CSMD2: variants seen among roughly 807,000 people sequenced by gnomAD.
CSMD2 encodes the protein CUB and sushi domain-containing protein 2.
Under a neutral mutation model 398.5 loss-of-function variants are expected in CSMD2, and 130 were observed. The ratio of observed to expected loss-of-function variants is 0.33; its 90% confidence interval spans 0.28 to 0.38. The LOEUF is 0.38. Among genes scored for constraint, CSMD2 ranks in the 10% least tolerant of loss-of-function variants. The probability of loss-of-function intolerance (pLI) is 1.00; values close to 1 mark genes in which losing one functional copy is unlikely to be tolerated. For missense variants in CSMD2, 3,829 were observed against 4,764.9 expected (o/e 0.80, Z 5.78); for synonymous variants, 1,828 against 1,908.5 (o/e 0.96, Z 1.10).
intron 3 of CSMD2, among the ~76,000 whole-genome samples, chr1:33,960,589 C>G (rs1255287713): frequency 6.6e-6 from 1 of 152,180 alleles, no homozygotes; most frequent in Admixed American, 6.5e-5. Context: ...CAAACAATTA[C>G]AGAGAGATAA....
Position 33,624,044 on chromosome 1 carries a change from G to A in CSMD2, c.5625+475C>T, listed in dbSNP as rs1370731465. Among the ~76,000 whole-genome samples the A allele has an allele frequency of 6.6e-6, 1 of 152,182 alleles. No individual in the cohort carries two copies. The highest frequency in any genetic ancestry group is 1.5e-5 in the Non-Finnish European group (1 of 68,030). ...GCGTGGTTCCCTAGGTGTGTGCCTG[G>A]GGGTTCTCTGTGCTTCAGCTGTGCT... On this transcript the variant is annotated intron_variant, in intron 35 of 70. Coordinates refer to ENST00000373381, the MANE Select transcript of CSMD2 (RefSeq NM_001281956.2). The surrounding 1 kb of genome is among the most constrained non-coding windows in gnomAD (Gnocchi z 4.7).
chr1:34,092,809 A>G (rs947910484), intron 1 of CSMD2, among the ~76,000 whole-genome samples: 3 of 152,214 alleles, frequency 2.0e-5, no homozygotes, highest in Non-Finnish European at 4.4e-5. Context: ...ATCAAACTGC[A>G]AGGCAGCAGC....
At chr1:34,081,946 G>C (rs1029640315) in intron 2 of CSMD2, among the ~76,000 whole-genome samples, 1 of 151,772 alleles carries the variant, frequency 6.6e-6, no homozygotes, top group African/African-American at 2.4e-5. Flanking sequence ...ACCCCGTCTA[G>C]GAAGTGAGGA....
chr1:34,158,077 G>A (rs957979758), intron 1 of CSMD2, among the ~76,000 whole-genome samples: 2 of 152,138 alleles, frequency 1.3e-5, no homozygotes, highest in African/African-American at 4.8e-5. Context: ...CCAGGAGATT[G>A]AGCTCTCTAG....
intron 47 of CSMD2, 70 bp from the exon 48 acceptor site, chr1:33,580,969 G>A: frequency 6.6e-7 from 1 of 1,515,472 alleles, no homozygotes; most frequent in East Asian, 2.3e-5. Flanking sequence ...GAAGACCTCA[G>A]GGCTCAGAGG....
Position 33,772,617 on chromosome 1 carries a change from T to C in CSMD2, c.1798A>G (p.Thr600Ala). Residue 600 changes from threonine (T) to alanine (A), a missense_variant, in exon 13 of 71, where the codon ACA (threonine) becomes GCA (alanine). Thr to Ala is a moderately conservative substitution (Grantham distance 58). This residue lies in a region of CSMD2 where 2,001 missense variants were observed against 2,567.1 expected (regional missense o/e 0.78). Coordinates refer to ENST00000373381, the MANE Select transcript of CSMD2 (RefSeq NM_001281956.2). ...GACCATTGGTTATTCTTTTGGCATG[T>C]GATTGCCTTCTGTCCCACCAGCTCA... ...AFELVGQKAI[T>A]CQKNNQWSAK... 1 of 1,614,110 alleles carries C rather than the reference T, an allele frequency of 6.2e-7. No individual in the cohort carries two copies. The highest frequency in any genetic ancestry group is 8.5e-7 in the Non-Finnish European group (1 of 1,179,996).
At chr1:34,007,214 A>G (rs1052582031) in intron 3 of CSMD2, among the ~76,000 whole-genome samples, 14 of 152,080 alleles carry the variant, frequency 9.2e-5, no homozygotes, top group Non-Finnish European at 7.4e-5. Flanking sequence ...GCCTGACCTC[A>G]GCCTCATGGA....
At position 33,949,409 on chromosome 1, in the gene CSMD2, CCCTTAGA is replaced by C. The variant is rs1182119188; in HGVS notation, c.518-13462_518-13456del. On this transcript the variant is annotated intron_variant, in intron 3 of 70. Transcript: ENST00000373381. ...CCTGGCTCTGCCAGGCAGGCGGCAT[CCCTTAGA>C]CCTACACTGCTCTTGTTGAGCCAGG... Among the ~76,000 whole-genome samples the C allele has an allele frequency of 2.0e-5, 3 of 152,158 alleles. No individual in the cohort carries two copies. In the East Asian group the frequency reaches 5.8e-4, roughly 29 times the overall value.
chr1:33,926,860 C>G (rs186515737), intron 4 of CSMD2, among the ~76,000 whole-genome samples: 65 of 152,318 alleles, frequency 4.3e-4, no homozygotes, highest in Admixed American at 4.2e-3. Flanking sequence ...AACTCTCCCT[C>G]AATCCTCTTT....
intron 27 of CSMD2, among the ~76,000 whole-genome samples, chr1:33,656,933 CAG>C (rs1314277754): frequency 6.6e-6 from 1 of 152,154 alleles, no homozygotes; most frequent in African/African-American, 2.4e-5. Context: ...CCAGCATTGA[CAG>C]GGGAGATAAA....
intron 56 of CSMD2, among the ~76,000 whole-genome samples, chr1:33,547,180 G>A (rs1415333647): frequency 6.6e-6 from 1 of 151,942 alleles, no homozygotes; most frequent in African/African-American, 2.4e-5. Context: ...CATTTCTCTG[G>A]CTTCTGGTAT....
chr1:33,812,860 C>G (rs1195199166), intron 9 of CSMD2: 2 of 152,190 alleles, frequency 1.3e-5, no homozygotes, highest in Non-Finnish European at 2.9e-5. Context: ...GGATTTCTCT[C>G]AAGGCTAAGG....
At chr1:33,628,774 G>A (rs977401086) in intron 32 of CSMD2, among the ~76,000 whole-genome samples, 51 of 151,702 alleles carry the variant, frequency 3.4e-4, no homozygotes, top group African/African-American at 1.2e-3. Context: ...AGTGAGAAGA[G>A]ACCTCCACCA....
At chr1:34,112,695 T>C (rs1661211702) in intron 1 of CSMD2, among the ~76,000 whole-genome samples, 1 of 152,146 alleles carries the variant, frequency 6.6e-6, no homozygotes, top group East Asian at 1.9e-4. Context: ...AGATAATCTA[T>C]AAAGAGTAAA....
chr1:33,724,672 G>T lies in CSMD2; in HGVS notation c.2728C>A (p.Pro910Thr). 6.2e-7 allele frequency: 1 copy of T among 1,614,154 alleles called. No homozygotes were observed. Among genetic ancestry groups the T allele is most frequent in the Non-Finnish European group, 8.5e-7 (1 of 1,180,030 alleles). ...ITLQSDHCLD[P>T]GIPVNGQRHG... is the part of the protein sequence containing the mutation. ...CGCTGTCCATTTACTGGGATTCCTG[G>T]ATCCAGACAGTGGTCTGACTGCAGT... Residue 910 changes from proline to threonine, a missense_variant, in exon 18 of 71, where the codon CCA becomes ACA. Transcript: ENST00000373381.
intron 36 of CSMD2, among the ~76,000 whole-genome samples, chr1:33,623,134 G>C (rs537849531): frequency 6.6e-6 from 1 of 152,314 alleles, no homozygotes; most frequent in East Asian, 1.9e-4. Context: ...CTGGGGAGGG[G>C]AGTGCAAATG....
At position 33,557,789 on chromosome 1, in the gene CSMD2, T is replaced by A. The variant is rs1379787183; in HGVS notation, c.8688A>T (p.Pro2896=). ...TGCCATCTCCCTGGCAGCTGAGCAC[T>A]GGGGTGCCCAGGAGGTAGAAGCCGT... ...CNHGFYLLGT[P]VLSCQGDGTW... Residue 2896 remains proline, a synonymous_variant, in exon 55 of 71, where the codon CCA becomes CCT. Coordinates refer to ENST00000373381, the MANE Select transcript of CSMD2 (RefSeq NM_001281956.2). The A allele has an allele frequency of 5.9e-6, 9 of 1,535,952 alleles. No homozygotes were observed. In the African/African-American group the frequency reaches 1.1e-4, roughly 19 times the overall value.
chr1:33,979,952 G>A (rs527264567), intron 3 of CSMD2, among the ~76,000 whole-genome samples: 1 of 152,296 alleles, frequency 6.6e-6, no homozygotes, highest in South Asian at 2.1e-4. Context: ...GTTTTAGTGG[G>A]TTTCTGTGTC....
Position 33,739,128 on chromosome 1 carries a change from G to A in CSMD2, c.2368+12C>T. 6.2e-7 allele frequency: 1 copy of A among 1,606,462 alleles called. No individual in the cohort carries two copies. The highest frequency in any genetic ancestry group is 8.5e-7 in the Non-Finnish European group (1 of 1,176,992). On this transcript the variant is annotated intron_variant, in intron 15 of 70. Transcript: ENST00000373381. ...TGACAATGGCCACTGCTCCCAGCCT[G>A]CAGGCTCGTACCTTCACACCGCAGC...
Sources: allele counts gnomAD v4.1 joint callset (sites outside exome capture counted in the v4.1 genomes callset), GRCh38; gene constraint gnomAD v4.1.1; regional missense constraint gnomAD v4.1.1; non-coding constraint Gnocchi (gnomAD v3.1); transcripts MANE v1.5; gene names NCBI Gene and HGNC (gene_info 2026-07-23, HGNC 2026-07-21).